Variants in PACS1 observed in about 807,000 individuals in gnomAD.
PACS1 encodes phosphofurin acidic cluster sorting protein 1, also known as PACS-1.
A neutral mutation model predicts 115.0 loss-of-function variants in PACS1; 24 were observed. The observed-to-expected ratio is 0.21, with a 90% CI of 0.15 to 0.29. The LOEUF (loss-of-function observed/expected upper bound fraction) is 0.29. PACS1 is among the 10% of genes least tolerant of loss of function. The pLI is 1.00. For synonymous variants in PACS1, 453 were observed against 504.5 expected, an observed-to-expected ratio of 0.90 and a Z score of 1.37; for missense variants, 838 against 1,251.2, an observed-to-expected ratio of 0.67 and a Z score of 4.98.
intron 1 of PACS1, among the ~76,000 whole-genome samples, chr11:66,129,929 A>G (rs1177698935): frequency 6.6e-6 from 1 of 152,172 alleles, no homozygotes; most frequent in African/African-American, 2.4e-5. Context: ...TAAACATTCA[A>G]TTGGCTACAT....
At chr11:66,075,131 G>A (rs777069868) in intron 1 of PACS1, among the ~76,000 whole-genome samples, 10 of 151,888 alleles carry the variant, frequency 6.6e-5, no homozygotes, top group Non-Finnish European at 1.3e-4. Context: ...TTTTTGTACA[G>A]ATGGCGTTTC....
intron 1 of PACS1, among the ~76,000 whole-genome samples, chr11:66,079,351 T>TG (rs1230566581): frequency 1.4e-4 from 18 of 131,654 alleles, no homozygotes; most frequent in East Asian, 2.1e-4. Flanking sequence ...AAGGTCTGGG[T>TG]AAAAAAAAAA....
chr11:66,086,815 C>T (rs892850868), intron 1 of PACS1, among the ~76,000 whole-genome samples: 1 of 151,942 alleles, frequency 6.6e-6, no homozygotes, highest in Non-Finnish European at 1.5e-5. Context: ...TGGGGTTTCA[C>T]CAAGTTGGTC....
chr11:66,209,887 A>G (rs967820376), intron 2 of PACS1, among the ~76,000 whole-genome samples: 1 of 152,176 alleles, frequency 6.6e-6, no homozygotes, highest in Non-Finnish European at 1.5e-5. Context: ...CCTGGGTGAC[A>G]GAATGAGACT....
intron 1 of PACS1, among the ~76,000 whole-genome samples, chr11:66,082,648 G>A (rs1857505969): frequency 6.6e-6 from 1 of 152,094 alleles, no homozygotes; most frequent in African/African-American, 2.4e-5. Flanking sequence ...GATTACCTGA[G>A]GTCAGGAGTT....
intron 1 of PACS1, among the ~76,000 whole-genome samples, chr11:66,099,496 G>A (rs1022911358): frequency 1.3e-5 from 2 of 151,616 alleles, no homozygotes; most frequent in Non-Finnish European, 1.5e-5. Flanking sequence ...AGTGCTGGGA[G>A]TACAGGCATA....
chr11:66,097,305 C>T (rs1381822658), intron 1 of PACS1, among the ~76,000 whole-genome samples: 3 of 152,210 alleles, frequency 2.0e-5, no homozygotes, highest in Non-Finnish European at 2.9e-5. Flanking sequence ...CCAGTCAGAT[C>T]GTAATGCTCA....
At chr11:66,087,122 T>C (rs1157943824) in intron 1 of PACS1, among the ~76,000 whole-genome samples, 1 of 152,052 alleles carries the variant, frequency 6.6e-6, no homozygotes, top group African/African-American at 2.4e-5. Flanking sequence ...CCCCTTCTAA[T>C]ACCACCCCTC....
intron 1 of PACS1, among the ~76,000 whole-genome samples, chr11:66,094,423 C>T (rs1267158650): frequency 2.8e-4 from 43 of 150,972 alleles, no homozygotes; most frequent in Non-Finnish European, 5.1e-4. Context: ...AACACCTCTA[C>T]GCAAATAAAC....
chr11:66,214,980 T>A (rs1855165276), intron 4 of PACS1, among the ~76,000 whole-genome samples: 1 of 152,078 alleles, frequency 6.6e-6, no homozygotes, highest in Admixed American at 6.6e-5. Context: ...TGACCCAGGC[T>A]GGAGTGCAAT....
chr11:66,201,978 C>A (rs76936118), intron 2 of PACS1, among the ~76,000 whole-genome samples: 94 of 151,350 alleles, frequency 6.2e-4, no homozygotes, highest in African/African-American at 2.2e-3. Context: ...TTTGAGAAGA[C>A]AAAATGGATA....
chr11:66,159,342 CAGG>C (rs1859436673), intron 1 of PACS1, among the ~76,000 whole-genome samples: 1 of 151,984 alleles, frequency 6.6e-6, no homozygotes, highest in South Asian at 2.1e-4. Context: ...GAAGCTGAGG[CAGG>C]AGAATCACTT....
intron 1 of PACS1, among the ~76,000 whole-genome samples, chr11:66,135,469 T>C (rs1230651106): frequency 1.3e-5 from 2 of 152,214 alleles, no homozygotes; most frequent in Admixed American, 6.5e-5. Context: ...TGCTTTGGCT[T>C]AAGCTTTAGA....
chr11:66,080,379 G>A (rs978518468), intron 1 of PACS1, among the ~76,000 whole-genome samples: 3 of 152,224 alleles, frequency 2.0e-5, no homozygotes, highest in South Asian at 2.1e-4. Context: ...TGGTCAGATA[G>A]CGAGTAGGGT....
intron 1 of PACS1, among the ~76,000 whole-genome samples, chr11:66,136,503 GAGCTGTGAT>G (rs1858850838): frequency 6.6e-6 from 1 of 152,018 alleles, no homozygotes; most frequent in Non-Finnish European, 1.5e-5. Flanking sequence ...AGTCTTTATG[GAGCTGTGAT>G]AGCCCATCAT....
intron 21 of PACS1, chr11:66,241,097 T>C (rs1855805045): frequency 4.8e-6 from 1 of 209,484 alleles, no homozygotes; most frequent in Non-Finnish European, 9.7e-6. Context: ...GTGTGTGTTA[T>C]ATGTGTGTAT....
At chr11:66,127,612 C>T (rs900882393) in intron 1 of PACS1, among the ~76,000 whole-genome samples, 2 of 152,128 alleles carry the variant, frequency 1.3e-5, no homozygotes, top group African/African-American at 4.8e-5. Context: ...TTAAAATAAG[C>T]GACAGACATA....
intron 1 of PACS1, among the ~76,000 whole-genome samples, chr11:66,083,112 G>T (rs1382753567): frequency 6.6e-6 from 1 of 152,132 alleles, no homozygotes; most frequent in East Asian, 1.9e-4. Flanking sequence ...GTTAAAATAT[G>T]TAGAAAGTAG....
intron 1 of PACS1, among the ~76,000 whole-genome samples, chr11:66,136,616 C>T (rs1038653174): frequency 2.0e-5 from 3 of 152,052 alleles, no homozygotes; most frequent in African/African-American, 7.3e-5. Context: ...AGTAATCGTG[C>T]AGTTTAGTTT....
Sources: allele counts gnomAD v4.1 joint callset (sites outside exome capture counted in the v4.1 genomes callset), GRCh38; gene constraint gnomAD v4.1.1; transcripts MANE v1.5; gene names NCBI Gene and HGNC (gene_info 2026-07-23, HGNC 2026-07-21).